The following CD163L1 variants were observed in gnomAD, a reference collection of about 807,000 sequenced individuals.
CD163L1 encodes scavenger receptor cysteine-rich type 1 protein M160.
Under a neutral mutation model 165.4 loss-of-function variants are expected in CD163L1, and 124 were observed. The ratio of observed to expected loss-of-function variants is 0.75; its 90% CI spans 0.65 to 0.87. CD163L1 has a LOEUF of 0.87. Ranked by LOEUF, CD163L1 falls within the 40% of genes least tolerant of loss-of-function variation. The pLI is 0.00. For synonymous variants in CD163L1, 585 were observed against 662.2 expected (o/e 0.88, Z 1.79); for missense variants, 1,525 against 1,799.9 (o/e 0.85, Z 2.76).
At chr12:7,440,926 C>T (rs1321383643) in intron 2 of CD163L1, among the ~76,000 whole-genome samples, 2 of 152,062 alleles carry the variant, frequency 1.3e-5, no homozygotes, top group African/African-American at 2.4e-5. Context: ...TGTGCCCGGC[C>T]GGATTTGGAA....
intron 4 of CD163L1, among the ~76,000 whole-genome samples, chr12:7,417,110 TCTC>T (rs1366074021): frequency 6.6e-6 from 1 of 152,148 alleles, no homozygotes; most frequent in African/African-American, 2.4e-5. Context: ...GGTTTGTAGT[TCTC>T]CTTGAAGAGG....
intron 9 of CD163L1, among the ~76,000 whole-genome samples, chr12:7,377,288 AT>A (rs1359913181): frequency 6.6e-6 from 1 of 152,108 alleles, no homozygotes. Context: ...TTTATTTGGA[AT>A]TTCATTCTGT....
At chr12:7,333,552 T>C in the CD163L1 span, among the ~76,000 whole-genome samples, 15 of 151,960 alleles carry the variant, frequency 9.9e-5, no homozygotes, top group Admixed American at 6.6e-5. Context: ...AGATCTAAAA[T>C]TGACACCCTA....
At chr12:7,342,754 C>A (rs1000857442), downstream of CD163L1, among the ~76,000 whole-genome samples, 2 of 152,192 alleles carry the variant, frequency 1.3e-5, no homozygotes, top group African/African-American at 4.8e-5. Context: ...CTGTCTCTGC[C>A]TTTCAAGTAG....
chr12:7,339,577 C>T, the CD163L1 span, among the ~76,000 whole-genome samples: 1 of 152,062 alleles, frequency 6.6e-6, no homozygotes, highest in Non-Finnish European at 1.5e-5. Context: ...ATAGCTAACC[C>T]CATGCTCAGT....
intron 2 of CD163L1, chr12:7,439,097 G>A (rs1437046609): frequency 1.6e-5 from 25 of 1,574,296 alleles, no homozygotes; most frequent in Admixed American, 4.1e-5. Context: ...GTCCTGCCCT[G>A]CTCTCTCTCT....
At position 7,349,505 on chromosome 12, in the gene CD163L1, ATTAT is replaced by A. The variant is rs747364090; in HGVS notation, c.*25-2362_*25-2359del. On this transcript the variant is annotated intron_variant, in intron 4 of 4. Coordinates refer to the CD163L1 transcript ENST00000539726. ...GTAATGGTCAATGGTTAAGCAAAAA[ATTAT>A]TTCTTTCAGGAATTGCAAGTAATAA... is the stretch of plus-strand genomic sequence containing the variant. Among the ~76,000 whole-genome samples, 308 of 152,336 alleles carry A rather than the reference ATTAT, an allele frequency of 2.0e-3. 2 individuals are homozygous for A. Among genetic ancestry groups the A allele is most frequent in the African/African-American group, 6.9e-3 (285 of 41,582 alleles).
intron 18 of CD163L1, among the ~76,000 whole-genome samples, chr12:7,360,024 A>C (rs909187080): frequency 1.3e-5 from 2 of 152,152 alleles, no homozygotes; most frequent in Non-Finnish European, 2.9e-5. Flanking sequence ...AAGCTTCTTA[A>C]ATCTAGGAAT....
chr12:7,333,026 A>G, the CD163L1 span, among the ~76,000 whole-genome samples: 8 of 152,156 alleles, frequency 5.3e-5, no homozygotes, highest in African/African-American at 1.9e-4. Context: ...AGTGTGCTGT[A>G]TTCAGGAAAC....
At chr12:7,419,241 A>T (rs1184145200) in intron 4 of CD163L1, among the ~76,000 whole-genome samples, 2 of 152,180 alleles carry the variant, frequency 1.3e-5, no homozygotes, top group African/African-American at 2.4e-5. Context: ...ACACCACATA[A>T]ACAGAATTAA....
At chr12:7,338,606 A>G in the CD163L1 span, among the ~76,000 whole-genome samples, 1 of 152,110 alleles carries the variant, frequency 6.6e-6, no homozygotes, top group Non-Finnish European at 1.5e-5. Context: ...TTGCAGTGAG[A>G]TGCTTACTCT....
Position 7,440,010 on chromosome 12 carries a change from C to G in CD163L1, c.124+1144G>C, listed in dbSNP as rs376311292. 7.5e-6 allele frequency: 11 copies of G among 1,471,270 alleles called. No homozygotes were observed. The South Asian group carries it at 8.5e-5, about 11-fold the overall frequency. 91.1% of individuals were successfully genotyped at this position (1,471,270 alleles called of 1,614,324 possible). A position where few individuals can be genotyped will look rare whatever the true frequency, so the allele number is the denominator to read the frequency against. On this transcript the variant is annotated intron_variant, in intron 2 of 19. Coordinates refer to ENST00000313599, the MANE Select transcript of CD163L1 (RefSeq NM_174941.6). ...CCATCCTAGCAGCTCCGCAAACCGC[C>G]GAGGAAAACCCGCTGCGACACACAC...
the CD163L1 span, chr12:7,323,381 T>C: frequency 6.3e-7 from 1 of 1,594,326 alleles, no homozygotes; most frequent in Non-Finnish European, 8.6e-7. Flanking sequence ...CTGCTATTCA[T>C]TGCACAACTA....
chr12:7,370,675 C>T (rs1947126346), intron 14 of CD163L1, among the ~76,000 whole-genome samples: 1 of 152,152 alleles, frequency 6.6e-6, no homozygotes, highest in South Asian at 2.1e-4. Flanking sequence ...TTCCTTTCTC[C>T]TTGTCATAAG....
intron 2 of CD163L1, chr12:7,438,826 C>T: frequency 6.4e-7 from 1 of 1,551,440 alleles, no homozygotes; most frequent in Non-Finnish European, 8.8e-7. Context: ...CCCCGCTCAA[C>T]CTCCAGCCCT....
chr12:7,375,186 C>A, intron 11 of CD163L1, 95 bp downstream of exon 11: 2 of 1,272,598 alleles, frequency 1.6e-6, no homozygotes, highest in Non-Finnish European at 2.2e-6. Flanking sequence ...CCACCTGCAC[C>A]CCCATTTTCT....
At chr12:7,399,289 T>A (rs1265196595) in intron 6 of CD163L1, among the ~76,000 whole-genome samples, 1 of 108,104 alleles carries the variant, frequency 9.3e-6, no homozygotes, top group Non-Finnish European at 1.6e-5. Flanking sequence ...CTTCTTTCCT[T>A]TTCTTTCTCT....
intron 2 of CD163L1, among the ~76,000 whole-genome samples, chr12:7,435,116 A>C (rs1451615980): frequency 2.6e-5 from 4 of 152,108 alleles, no homozygotes; most frequent in African/African-American, 7.2e-5. Context: ...ATATATTCTA[A>C]TATGATTGAT....
the CD163L1 span, among the ~76,000 whole-genome samples, chr12:7,340,641 C>T: frequency 1.3e-5 from 2 of 151,538 alleles, no homozygotes; most frequent in African/African-American, 2.4e-5. Context: ...GGCAGAGGAA[C>T]AATACTCCAA....
Sources: gnomAD v4.1 joint callset for allele counts (sites outside exome capture counted in the v4.1 genomes callset) on GRCh38, gnomAD v4.1.1 for gene constraint, MANE v1.5 for transcripts, NCBI Gene and HGNC (gene_info 2026-07-23, HGNC 2026-07-21) for gene names.